Variants in ANKH observed in about 807,000 individuals in gnomAD.
ANKH encodes mineralization regulator ANKH.
In ANKH, 15 loss-of-function variants were observed where a neutral mutation model predicts 49.0. The ratio of observed to expected loss-of-function variants is 0.31; its 90% CI spans 0.20 to 0.47. The LOEUF (loss-of-function observed/expected upper bound fraction) is 0.47, where lower values mean the gene tolerates loss of function less well. Ranked by LOEUF, ANKH falls within the 20% of genes least tolerant of loss-of-function variation. The pLI, the probability that ANKH is intolerant of heterozygous loss-of-function variation, is 1.00. For missense variants in ANKH, 429 were observed against 652.0 expected (o/e 0.66, Z 3.72); for synonymous variants, 273 against 260.0 (o/e 1.05, Z -0.48).
At chr5:14,779,603 G>A (rs1342870150) in intron 1 of ANKH, among the ~76,000 whole-genome samples, 4 of 152,210 alleles carry the variant, frequency 2.6e-5, no homozygotes, top group African/African-American at 9.7e-5. Flanking sequence ...ACAAATGAAT[G>A]TGTATTAACT....
At chr5:14,867,607 C>A (rs537788806) in intron 1 of ANKH, among the ~76,000 whole-genome samples, 1 of 151,856 alleles carries the variant, frequency 6.6e-6, no homozygotes, top group East Asian at 1.9e-4. Flanking sequence ...GGCCGGACTG[C>A]GGACTGCAGT....
intron 1 of ANKH, among the ~76,000 whole-genome samples, chr5:14,778,627 T>G (rs1202741452): frequency 1.3e-5 from 2 of 152,142 alleles, no homozygotes; most frequent in Non-Finnish European, 2.9e-5. Flanking sequence ...TAAACTTCAT[T>G]AAGCTTGTCA....
At chr5:14,857,725 A>G (rs1735323121) in intron 1 of ANKH, among the ~76,000 whole-genome samples, 1 of 152,214 alleles carries the variant, frequency 6.6e-6, no homozygotes, top group Non-Finnish European at 1.5e-5. Context: ...AAAACAAATA[A>G]TGTGAAGGAG....
In ANKH at chr5:14,712,991, A is replaced by G; in HGVS notation, c.1266-18T>C. On this transcript the variant is annotated intron_variant, in intron 10 of 11. Transcript: ENST00000284268. ...CGTGCACCCTGCAGATGAGAACACA[A>G]AGGCAATTTGTCTGTTAAGGCCAAG... The G allele has an allele frequency of 6.2e-7, 1 of 1,607,620 alleles. No individual in the cohort carries two copies. Among genetic ancestry groups the G allele is most frequent in the Non-Finnish European group, 8.5e-7 (1 of 1,177,166 alleles).
chr5:14,754,068 A>AACTC (rs1447778355), intron 4 of ANKH, among the ~76,000 whole-genome samples: 1 of 152,242 alleles, frequency 6.6e-6, no homozygotes, highest in East Asian at 1.9e-4. Flanking sequence ...TTGTGGCAGG[A>AACTC]ACTCAAGCAA....
intron 1 of ANKH, among the ~76,000 whole-genome samples, chr5:14,858,589 G>A (rs1735364734): frequency 6.6e-6 from 1 of 151,980 alleles, no homozygotes; most frequent in Non-Finnish European, 1.5e-5. Flanking sequence ...GGTGGGTAAT[G>A]CCTGTAGTCC....
At chr5:14,777,673 C>T (rs376698333) in intron 1 of ANKH, among the ~76,000 whole-genome samples, 17 of 152,322 alleles carry the variant, frequency 1.1e-4, no homozygotes, top group African/African-American at 3.6e-4. Flanking sequence ...CTAATGCTAG[C>T]AACAAGCATT....
chr5:14,812,486 T>C (rs1292442479), intron 1 of ANKH, among the ~76,000 whole-genome samples: 3 of 152,210 alleles, frequency 2.0e-5, no homozygotes, highest in East Asian at 3.8e-4. Flanking sequence ...CCAGTTTTAA[T>C]ACCTGTAACA....
intron 2 of ANKH, chr5:14,768,546 A>G (rs1739323922): frequency 4.1e-6 from 1 of 244,618 alleles, no homozygotes; most frequent in Non-Finnish European, 8.1e-6. Flanking sequence ...AAGATCCTAG[A>G]ACAAATTAAT....
At chr5:14,714,035 G>T (rs1358141997) in intron 9 of ANKH, among the ~76,000 whole-genome samples, 2 of 152,260 alleles carry the variant, frequency 1.3e-5, no homozygotes, top group Non-Finnish European at 2.9e-5. Flanking sequence ...GAGAAAAGTG[G>T]CACTCTAGTG....
intron 1 of ANKH, among the ~76,000 whole-genome samples, chr5:14,774,334 T>C (rs936425474): frequency 3.3e-5 from 5 of 152,236 alleles, no homozygotes; most frequent in African/African-American, 1.2e-4. Flanking sequence ...AAGTGAGTTA[T>C]GGATTAAAAC....
intron 11 of ANKH, 107 bp downstream of exon 11, chr5:14,712,767 A>G: frequency 3.6e-6 from 4 of 1,102,328 alleles, no homozygotes; most frequent in Non-Finnish European, 5.4e-6. Flanking sequence ...GTCACCAAGG[A>G]TCCCCCACTG....
intron 11 of ANKH, among the ~76,000 whole-genome samples, chr5:14,712,084 T>C (rs1257908933): frequency 6.6e-6 from 1 of 152,218 alleles, no homozygotes; most frequent in African/African-American, 2.4e-5. Context: ...TGCTTTTCTT[T>C]CATTATATTT....
intron 1 of ANKH, among the ~76,000 whole-genome samples, chr5:14,845,843 CTTTTTTTTT>C (rs59264153): frequency 0.16 from 13,511 of 82,658 alleles, 1,115 homozygotes; most frequent in East Asian, 0.54. Flanking sequence ...CCTATGCACA[CTTTTTTTTT>C]TTTTTTTTTT....
intron 1 of ANKH, among the ~76,000 whole-genome samples, chr5:14,793,005 T>TATAA (rs1332982572): frequency 1.1e-3 from 64 of 60,230 alleles, no homozygotes; most frequent in African/African-American, 3.4e-3. Flanking sequence ...TATATATATA[T>TATAA]AAATATATAT....
At chr5:14,818,186 T>A (rs542903680) in intron 1 of ANKH, among the ~76,000 whole-genome samples, 1 of 152,240 alleles carries the variant, frequency 6.6e-6, no homozygotes, top group East Asian at 1.9e-4. Flanking sequence ...CTTTAGCTCT[T>A]TTCTCTCACC....
chr5:14,798,663 T>C (rs898983460), intron 1 of ANKH, among the ~76,000 whole-genome samples: 3 of 152,168 alleles, frequency 2.0e-5, no homozygotes, highest in African/African-American at 4.8e-5. Flanking sequence ...GATATGGTGA[T>C]GTGTGATAGG....
At chr5:14,778,852 CG>C (rs1266145374) in intron 1 of ANKH, among the ~76,000 whole-genome samples, 1 of 152,122 alleles carries the variant, frequency 6.6e-6, no homozygotes, top group African/African-American at 2.4e-5. Context: ...TTGCTGGAAA[CG>C]AATACACAGC....
At chr5:14,811,418 G>A (rs1288698383) in intron 1 of ANKH, among the ~76,000 whole-genome samples, 1 of 152,130 alleles carries the variant, frequency 6.6e-6, no homozygotes, top group African/African-American at 2.4e-5. Context: ...ACTGTACGAC[G>A]TCAGTGGGAG....
Sources: gnomAD v4.1 joint callset for allele counts (sites outside exome capture counted in the v4.1 genomes callset) on GRCh38, gnomAD v4.1.1 for gene constraint, MANE v1.5 for transcripts, NCBI Gene and HGNC (gene_info 2026-07-23, HGNC 2026-07-21) for gene names.